The following EXT1 variants were observed in gnomAD, a reference collection of about 807,000 sequenced individuals.
EXT1 encodes the protein exostosin glycosyltransferase 1, also known as exostosin-1.
Under a neutral mutation model 82.5 loss-of-function variants are expected in EXT1, and 20 were observed. That is an observed-to-expected ratio of 0.24 (90% CI 0.17 to 0.35). The LOEUF is 0.35. Ranked by LOEUF, EXT1 falls within the 10% of genes least tolerant of loss-of-function variation. The pLI, the probability that EXT1 is intolerant of heterozygous loss-of-function variation, is 1.00. For synonymous variants in EXT1, 348 were observed against 350.8 expected (o/e 0.99, Z 0.09); for missense variants, 757 against 936.5 (o/e 0.81, Z 2.50).
At position 117,965,253 on chromosome 8, in the gene EXT1, C is replaced by A. The variant is rs540825580; in HGVS notation, c.963-128052G>T. The stretch of plus-strand genomic sequence containing the variant: ...TTTTTCTTTAGTCCTAAGCACAGAG[C>A]AATTTTGTATTAGATTACAAAATGT... On this transcript the variant is annotated intron_variant, in intron 1 of 10. Coordinates refer to ENST00000378204, the MANE Select transcript of EXT1 (RefSeq NM_000127.3). Among the ~76,000 whole-genome samples, 6 of 151,996 alleles carry A rather than the reference C, an allele frequency of 3.9e-5. No homozygotes were observed. The South Asian group carries it at 1.2e-3, about 32-fold the overall frequency.
chr8:118,085,324 T>C (rs1817396461), intron 1 of EXT1, among the ~76,000 whole-genome samples: 1 of 152,172 alleles, frequency 6.6e-6, no homozygotes, highest in Non-Finnish European at 1.5e-5. Flanking sequence ...TACTATTGTG[T>C]GTTGCCATTT....
At chr8:118,030,693 G>T (rs1816295159) in intron 1 of EXT1, among the ~76,000 whole-genome samples, 1 of 152,096 alleles carries the variant, frequency 6.6e-6, no homozygotes, top group Non-Finnish European at 1.5e-5. Context: ...TGTTGGTCAG[G>T]CTGGTCTCGA....
intron 1 of EXT1, among the ~76,000 whole-genome samples, chr8:117,938,844 A>G (rs1281623990): frequency 6.6e-6 from 1 of 152,260 alleles, no homozygotes; most frequent in Non-Finnish European, 1.5e-5. Flanking sequence ...ACACATAAGC[A>G]TAAAATAATC....
At chr8:117,983,224 C>T (rs1272654473) in intron 1 of EXT1, among the ~76,000 whole-genome samples, 2 of 152,196 alleles carry the variant, frequency 1.3e-5, no homozygotes, top group Non-Finnish European at 1.5e-5. Flanking sequence ...TGACTCACAC[C>T]TGTAATTCCA....
At chr8:117,887,918 T>G (rs1454235530) in intron 1 of EXT1, among the ~76,000 whole-genome samples, 1 of 151,632 alleles carries the variant, frequency 6.6e-6, no homozygotes, top group Non-Finnish European at 1.5e-5. Flanking sequence ...AAACCCTGCC[T>G]CTACTAAAAA....
chr8:117,829,574 T>TC (rs1445695787), intron 4 of EXT1, among the ~76,000 whole-genome samples: 3 of 118,968 alleles, frequency 2.5e-5, no homozygotes, highest in South Asian at 2.7e-4. Flanking sequence ...TTTTTCTTTT[T>TC]TTTTTTTTTT....
chr8:117,888,087 AAAT>A (rs543600078), intron 1 of EXT1, among the ~76,000 whole-genome samples: 5 of 150,440 alleles, frequency 3.3e-5, no homozygotes, highest in Admixed American at 6.6e-5. Flanking sequence ...TCCATCTCAA[AAAT>A]AATAATAATA....
chr8:118,002,996 C>T (rs114275578), intron 1 of EXT1, among the ~76,000 whole-genome samples: 1,756 of 151,968 alleles, frequency 0.012, 34 homozygotes, highest in African/African-American at 0.039. Context: ...CATCAGTCAA[C>T]GAGTGGATAA....
chr8:117,872,960 T>C (rs538803003), intron 1 of EXT1, among the ~76,000 whole-genome samples: 10 of 152,302 alleles, frequency 6.6e-5, no homozygotes, highest in African/African-American at 1.9e-4. Flanking sequence ...GTGTTAGTAT[T>C]TGCTATGGTC....
chr8:117,800,039 C>T (rs1466719668), intron 10 of EXT1, 142 bp from the exon 11 acceptor site: 1 of 800,668 alleles, frequency 1.2e-6, no homozygotes, highest in Non-Finnish European at 2.0e-6. Flanking sequence ...CATCTATGCA[C>T]CTGCTGAAAA....
At chr8:118,088,304 C>T (rs2635278) in intron 1 of EXT1, among the ~76,000 whole-genome samples, 1 of 152,118 alleles carries the variant, frequency 6.6e-6, no homozygotes, top group Non-Finnish European at 1.5e-5. Context: ...CACATTAACT[C>T]TTCTTTATGA....
chr8:117,828,384 C>T (rs1289601640), intron 4 of EXT1, among the ~76,000 whole-genome samples: 1 of 151,842 alleles, frequency 6.6e-6, no homozygotes, highest in Non-Finnish European at 1.5e-5. Context: ...ACCTTGTCTC[C>T]ACAAAAAATG....
At chr8:117,937,321 C>T (rs994184599) in intron 1 of EXT1, among the ~76,000 whole-genome samples, 1 of 152,318 alleles carries the variant, frequency 6.6e-6, no homozygotes, top group East Asian at 1.9e-4. Context: ...GTAACAAGTT[C>T]ACTCAGTACT....
chr8:117,946,780 C>T (rs1247911208), intron 1 of EXT1, among the ~76,000 whole-genome samples: 7 of 151,530 alleles, frequency 4.6e-5, no homozygotes, highest in Admixed American at 4.6e-4. Context: ...GCTTACACCA[C>T]CACCTGGCAC....
intron 1 of EXT1, among the ~76,000 whole-genome samples, chr8:118,047,226 T>C (rs372754433): frequency 1.4e-4 from 21 of 152,290 alleles, no homozygotes; most frequent in East Asian, 5.8e-4. Context: ...GGAACCTGCA[T>C]TGGAATTCTG....
intron 1 of EXT1, among the ~76,000 whole-genome samples, chr8:117,877,252 G>T (rs1022160442): frequency 2.6e-5 from 4 of 152,186 alleles, no homozygotes; most frequent in Non-Finnish European, 1.5e-5. Flanking sequence ...AGAAGTCGCT[G>T]AATTAATGAG....
chr8:118,009,095 T>C (rs1299095652), intron 1 of EXT1, among the ~76,000 whole-genome samples: 1 of 152,166 alleles, frequency 6.6e-6, no homozygotes, highest in Non-Finnish European at 1.5e-5. Flanking sequence ...GAAGCAGCCA[T>C]TGGCTTACCA....
Position 117,912,948 on chromosome 8 carries a change from G to A in EXT1, c.963-75747C>T, listed in dbSNP as rs558037369. 2.2e-4 allele frequency among the ~76,000 whole-genome samples: 33 copies of A among 152,306 alleles called. No individual in the cohort carries two copies. The East Asian group carries it at 3.3e-3, about 15-fold the overall frequency. On this transcript the variant is annotated intron_variant, in intron 1 of 10. Transcript: ENST00000378204. ...TGAGCATTTCTTAAAATGTGGCCGCGCACAGTGGCTCATGCCTATAATCCC... is the reference window on the plus strand; with the variant it reads ...TGAGCATTTCTTAAAATGTGGCCGCACACAGTGGCTCATGCCTATAATCCC...
At chr8:118,015,560 A>G (rs1316513162) in intron 1 of EXT1, among the ~76,000 whole-genome samples, 2 of 152,222 alleles carry the variant, frequency 1.3e-5, no homozygotes, top group Non-Finnish European at 2.9e-5. Flanking sequence ...GAGATGCTAG[A>G]AAGCATGACA....
Sources: gnomAD v4.1 joint callset for allele counts (sites outside exome capture counted in the v4.1 genomes callset) on GRCh38, gnomAD v4.1.1 for gene constraint, MANE v1.5 for transcripts, NCBI Gene and HGNC (gene_info 2026-07-23, HGNC 2026-07-21) for gene names.